The following CACUL1 variants were observed in gnomAD, a reference collection of about 807,000 sequenced individuals.
CACUL1 encodes the protein CDK2 associated cullin domain 1.
CACUL1 carries 13 observed loss-of-function variants against 45.2 expected under a neutral mutation model. That is an observed-to-expected ratio of 0.29 (90% CI 0.19 to 0.46). CACUL1 has a LOEUF of 0.46. Among genes scored for constraint, CACUL1 ranks in the 20% least tolerant of loss-of-function variants. CACUL1 has a pLI of 1.00. For synonymous variants in CACUL1, 197 were observed against 174.2 expected, an observed-to-expected ratio of 1.13 and a Z score of -1.03; for missense variants, 421 against 471.4, an observed-to-expected ratio of 0.89 and a Z score of 0.99.
chr10:118,737,982 A>C (rs764506727), intron 1 of CACUL1, among the ~76,000 whole-genome samples: 10 of 152,266 alleles, frequency 6.6e-5, no homozygotes, highest in Admixed American at 3.9e-4. Context: ...ATAGGTGTAA[A>C]CTATGCTAAC....
chr10:118,744,154 G>A (rs1845818562), intron 1 of CACUL1, among the ~76,000 whole-genome samples: 1 of 152,242 alleles, frequency 6.6e-6, no homozygotes. Context: ...GGGAGGCCGA[G>A]GAGGGTGGAT....
intron 1 of CACUL1, among the ~76,000 whole-genome samples, chr10:118,750,892 A>T (rs540286089): frequency 1.3e-5 from 2 of 152,338 alleles, no homozygotes; most frequent in South Asian, 4.1e-4. Flanking sequence ...TATATGGGAT[A>T]TTTTGATACA....
chr10:118,686,955 G>C (rs570255191), intron 7 of CACUL1, among the ~76,000 whole-genome samples: 1 of 152,276 alleles, frequency 6.6e-6, no homozygotes, highest in Admixed American at 6.5e-5. Context: ...TGTGTCTCCA[G>C]CTTCTCAGAC....
chr10:118,728,540 C>T (rs965607861), intron 3 of CACUL1, among the ~76,000 whole-genome samples: 1 of 152,184 alleles, frequency 6.6e-6, no homozygotes. Context: ...CTACCTGTCT[C>T]GGCCTCTCAA....
intron 3 of CACUL1, among the ~76,000 whole-genome samples, chr10:118,711,674 C>T (rs773108655): frequency 2.0e-5 from 3 of 152,192 alleles, no homozygotes; most frequent in Non-Finnish European, 4.4e-5. Context: ...ACATTTACAG[C>T]AGACAGAATA....
rs1845941933 is a variant in CACUL1 at position 118,754,837 on chromosome 10, T to C, written c.-75A>G. ...TCAACCCCGGGCCAGCGGGCACCGC[T>C]GCCTCCCCGAGTTACATCGCCGGCG... On this transcript the variant is annotated 5_prime_UTR_variant, in exon 1 of 9. Transcript: ENST00000369151. 4 of 1,490,318 alleles carry C rather than the reference T, an allele frequency of 2.7e-6. No homozygotes were observed. The African/African-American group carries it at 4.4e-5, about 16-fold the overall frequency. The allele number at this position is 1,490,318 out of a possible 1,614,324, so 92.3% of individuals were successfully genotyped here. A position where few individuals can be genotyped will look rare whatever the true frequency, so the allele number is the denominator to read the frequency against.
intron 1 of CACUL1, among the ~76,000 whole-genome samples, chr10:118,742,845 T>C (rs371884733): frequency 1.8e-4 from 28 of 152,140 alleles, no homozygotes; most frequent in African/African-American, 2.4e-4. Flanking sequence ...CCAAAAGAAC[T>C]ATAAGACTTT....
chr10:118,687,944 T>C (rs1845225195), intron 7 of CACUL1, among the ~76,000 whole-genome samples: 1 of 152,218 alleles, frequency 6.6e-6, no homozygotes, highest in African/African-American at 2.4e-5. Context: ...GTATAGACAA[T>C]AAATATTTGT....
intron 3 of CACUL1, among the ~76,000 whole-genome samples, chr10:118,728,756 T>G (rs1564836373): frequency 6.6e-6 from 1 of 152,276 alleles, no homozygotes; most frequent in South Asian, 2.1e-4. Flanking sequence ...TTTACTGAAG[T>G]GGGCAGGGGG....
intron 1 of CACUL1, among the ~76,000 whole-genome samples, chr10:118,748,707 G>GAAA (rs375589823): frequency 2.0e-5 from 3 of 152,162 alleles, no homozygotes; most frequent in African/African-American, 7.2e-5. Context: ...TCCAAAATCC[G>GAAA]AAAAAAATCT....
intron 1 of CACUL1, among the ~76,000 whole-genome samples, chr10:118,736,207 C>T (rs1845739261): frequency 6.6e-6 from 1 of 151,994 alleles, no homozygotes; most frequent in South Asian, 2.1e-4. Context: ...AAGTAAAAGC[C>T]ATACAGAAAT....
chr10:118,748,460 A>C (rs953001517), intron 1 of CACUL1, among the ~76,000 whole-genome samples: 1 of 152,168 alleles, frequency 6.6e-6, no homozygotes, highest in African/African-American at 2.4e-5. Flanking sequence ...ATGCAAATAT[A>C]GCAATTCTCA....
At position 118,754,719 on chromosome 10, in the gene CACUL1, G is replaced by A; in HGVS notation, c.44C>T (p.Ala15Val). Residue 15 changes from alanine (A) to valine (V), a missense_variant, in exon 1 of 9, where the codon GCG becomes GTG. By Grantham distance (64) the Ala-to-Val change is moderately conservative. Coordinates refer to ENST00000369151, the MANE Select transcript of CACUL1 (RefSeq NM_153810.5). ...MEEEEGGSYEAMMDDQNHNNW... is the reference protein window; with the variant it reads ...MEEEEGGSYEVMMDDQNHNNW... ...GTTGTGGTTCTGGTCGTCCATCATC[G>A]CCTCGTAGCTGCCCCCCTCCTCCTC... 1.2e-6 allele frequency: 2 copies of A among 1,604,160 alleles called. No individual in the cohort carries two copies. Among genetic ancestry groups the A allele is most frequent in the Non-Finnish European group, 1.7e-6 (2 of 1,176,374 alleles).
chr10:118,713,927 G>A (rs572023409), intron 3 of CACUL1, among the ~76,000 whole-genome samples: 11 of 152,066 alleles, frequency 7.2e-5, no homozygotes, highest in Non-Finnish European at 5.9e-5. Context: ...TTATATGCAG[G>A]TTGTATCTGT....
At chr10:118,732,586 T>C (rs1433994185) in intron 1 of CACUL1, among the ~76,000 whole-genome samples, 2 of 152,142 alleles carry the variant, frequency 1.3e-5, no homozygotes, top group Non-Finnish European at 2.9e-5. Context: ...GAGGATTCAG[T>C]GTCATTACCA....
At chr10:118,706,379 G>A (rs1486729410) in intron 4 of CACUL1, among the ~76,000 whole-genome samples, 2 of 152,012 alleles carry the variant, frequency 1.3e-5, no homozygotes, top group Admixed American at 6.5e-5. Context: ...ATAAGGAGTC[G>A]GCTCGCACGG....
chr10:118,746,296 C>T (rs186471629), intron 1 of CACUL1, among the ~76,000 whole-genome samples: 29 of 152,198 alleles, frequency 1.9e-4, no homozygotes, highest in Middle Eastern at 3.4e-3. Flanking sequence ...TGAAATAGAA[C>T]TGACGCCCAC....
intron 3 of CACUL1, among the ~76,000 whole-genome samples, chr10:118,720,641 C>A (rs1367654575): frequency 6.6e-6 from 1 of 152,158 alleles, no homozygotes; most frequent in Non-Finnish European, 1.5e-5. Flanking sequence ...CAAACACATG[C>A]CTCTGGTAAT....
chr10:118,751,824 T>C (rs997157558), intron 1 of CACUL1, among the ~76,000 whole-genome samples: 11 of 152,202 alleles, frequency 7.2e-5, no homozygotes, highest in Admixed American at 2.0e-4. Context: ...GCAAGGAAAA[T>C]TGTACCATTT....
Sources: gnomAD v4.1 joint callset for allele counts (sites outside exome capture counted in the v4.1 genomes callset) on GRCh38, gnomAD v4.1.1 for gene constraint, MANE v1.5 for transcripts, NCBI Gene and HGNC (gene_info 2026-07-23, HGNC 2026-07-21) for gene names.